NNT: variants seen among roughly 807,000 people sequenced by gnomAD.
NNT encodes nicotinamide nucleotide transhydrogenase, also known as NAD(P) transhydrogenase, mitochondrial.
In NNT, 50 loss-of-function variants were observed where a neutral mutation model predicts 104.8. That is an observed-to-expected ratio of 0.48 (90% CI 0.38 to 0.60). The LOEUF (loss-of-function observed/expected upper bound fraction) is 0.60. Among genes scored for constraint, NNT ranks in the 20% least tolerant of loss-of-function variants. NNT has a pLI of 0.00. For missense variants in NNT, 1,131 were observed against 1,330.7 expected (o/e 0.85, Z 2.33); for synonymous variants, 461 against 490.4 (o/e 0.94, Z 0.79).
intron 2 of NNT, among the ~76,000 whole-genome samples, chr5:43,611,067 C>T (rs1749474553): frequency 6.6e-6 from 1 of 151,664 alleles, no homozygotes; most frequent in African/African-American, 2.4e-5. Flanking sequence ...TTCCTTCCTT[C>T]TTTCCTTCCT....
chr5:43,695,235 A>G (rs1351940830), intron 19 of NNT, among the ~76,000 whole-genome samples: 1 of 152,228 alleles, frequency 6.6e-6, no homozygotes, highest in Non-Finnish European at 1.5e-5. Context: ...ATCACCATCT[A>G]TAGCTCTTTT....
chr5:43,689,569 A>C (rs559207696), intron 19 of NNT, among the ~76,000 whole-genome samples: 5 of 152,128 alleles, frequency 3.3e-5, no homozygotes, highest in Non-Finnish European at 7.4e-5. Flanking sequence ...TGATTTTTGT[A>C]TAAGGTGAGA....
chr5:43,672,268 CCTT>C (rs1741146873), intron 17 of NNT, among the ~76,000 whole-genome samples: 1 of 152,188 alleles, frequency 6.6e-6, no homozygotes. Flanking sequence ...TCGTCTGAAG[CCTT>C]CTTCTCTCAA....
At chr5:43,695,513 A>G (rs911214449) in intron 19 of NNT, among the ~76,000 whole-genome samples, 1 of 152,206 alleles carries the variant, frequency 6.6e-6, no homozygotes, top group African/African-American at 2.4e-5. Flanking sequence ...AGCACACTGT[A>G]TTCACTTTGA....
At chr5:43,618,447 G>A (rs796426942) in intron 4 of NNT, among the ~76,000 whole-genome samples, 12 of 152,222 alleles carry the variant, frequency 7.9e-5, no homozygotes, top group African/African-American at 2.6e-4. Flanking sequence ...TCTGTTCTCC[G>A]AGGTTGAAAT....
intron 16 of NNT, among the ~76,000 whole-genome samples, chr5:43,657,951 A>G (rs1267184150): frequency 6.6e-6 from 1 of 152,116 alleles, no homozygotes; most frequent in Non-Finnish European, 1.5e-5. Context: ...CCTGGCCAGC[A>G]TGGTGAAACC....
At chr5:43,631,969 GAAAA>G (rs34558570) in intron 7 of NNT, among the ~76,000 whole-genome samples, 5 of 102,890 alleles carry the variant, frequency 4.9e-5, no homozygotes, top group Admixed American at 1.1e-4. Context: ...TTTCTTTTGG[GAAAA>G]AAAAAAAAAA....
chr5:43,613,374 T>G (rs940718256), intron 3 of NNT: 5 of 444,490 alleles, frequency 1.1e-5, no homozygotes, highest in African/African-American at 1.0e-4. Flanking sequence ...TTTTTACATT[T>G]GCTATATGGA....
At chr5:43,675,428 C>A (rs1485705359) in intron 17 of NNT, 83 bp from the exon 18 acceptor site, 115 of 1,187,714 alleles carry the variant, frequency 9.7e-5, no homozygotes, top group Non-Finnish European at 5.4e-5. Context: ...AAAATGATTC[C>A]AAATATCATA....
At chr5:43,615,637 C>G (rs1309933987) in intron 3 of NNT, among the ~76,000 whole-genome samples, 1 of 152,140 alleles carries the variant, frequency 6.6e-6, no homozygotes, top group Non-Finnish European at 1.5e-5. Flanking sequence ...GCCCTTTACT[C>G]AGAGCAGTCC....
intron 16 of NNT, 86 bp downstream of exon 16, chr5:43,656,899 C>T: frequency 8.0e-7 from 1 of 1,252,142 alleles, no homozygotes; most frequent in East Asian, 2.4e-5. Context: ...ATTTTTATCT[C>T]TTCAAGAACC....
chr5:43,674,159 A>G (rs1336185049), intron 17 of NNT, among the ~76,000 whole-genome samples: 1 of 152,202 alleles, frequency 6.6e-6, no homozygotes, highest in East Asian at 1.9e-4. Context: ...TAAAATGTCA[A>G]TGTTGTGTCT....
rs774347033 is a variant in NNT at position 43,609,330 on chromosome 5, A to T, written c.135A>T (p.Lys45Asn). ...ATACTCACCAAGAACTGTGGTGTAA[A>T]GCGCCTGTAAAACCAGGTAAAGTCT... ...TFYTHQELWC[K>N]APVKPGIPYK... The change falls in exon 2 of 22, where the codon AAA becomes AAT. Residue 45 changes from lysine (K) to asparagine (N), a missense_variant. Physicochemically the swap from Lys to Asn is moderately conservative, Grantham distance 94. Transcript: ENST00000344920. The T allele has an allele frequency of 3.7e-6, 6 of 1,613,906 alleles. No homozygotes were observed. The highest frequency in any genetic ancestry group is 4.2e-6 in the Non-Finnish European group (5 of 1,179,956).
intron 7 of NNT, among the ~76,000 whole-genome samples, chr5:43,639,791 C>A (rs193204930): frequency 6.6e-6 from 1 of 152,168 alleles, no homozygotes; most frequent in Admixed American, 6.6e-5. Context: ...GTCCATGAAC[C>A]AGAAGGGAGC....
intron 17 of NNT, among the ~76,000 whole-genome samples, chr5:43,668,763 G>C (rs1172908573): frequency 6.6e-6 from 1 of 152,180 alleles, no homozygotes. Flanking sequence ...GGCAATGTGA[G>C]CTCTTTTTTG....
chr5:43,663,787 T>A (rs912888320), intron 17 of NNT, among the ~76,000 whole-genome samples: 1 of 152,248 alleles, frequency 6.6e-6, no homozygotes, highest in Non-Finnish European at 1.5e-5. Context: ...GAAAGTATTG[T>A]AAGGCACCAT....
At chr5:43,681,402 A>T (rs1242152343) in intron 19 of NNT, among the ~76,000 whole-genome samples, 1 of 150,820 alleles carries the variant, frequency 6.6e-6, no homozygotes, top group Non-Finnish European at 1.5e-5. Context: ...TTTTTTAATT[A>T]TTATTTTGTT....
intron 5 of NNT, among the ~76,000 whole-genome samples, chr5:43,622,538 G>A (rs1339964242): frequency 6.6e-6 from 1 of 152,184 alleles, no homozygotes; most frequent in Non-Finnish European, 1.5e-5. Flanking sequence ...AAAGCGCTGG[G>A]ATCACAGGCC....
intron 19 of NNT, among the ~76,000 whole-genome samples, chr5:43,679,185 A>G (rs948159808): frequency 1.3e-5 from 2 of 152,236 alleles, no homozygotes; most frequent in Admixed American, 1.3e-4. Flanking sequence ...TGCTGAGAAC[A>G]TTTGTAGGCC....
Sources: allele counts gnomAD v4.1 joint callset (sites outside exome capture counted in the v4.1 genomes callset), GRCh38; gene constraint gnomAD v4.1.1; transcripts MANE v1.5; gene names NCBI Gene and HGNC (gene_info 2026-07-23, HGNC 2026-07-21).